The following PTCHD4 variants were observed in gnomAD, a reference collection of about 807,000 sequenced individuals.
PTCHD4 encodes patched domain-containing protein 4.
PTCHD4 carries 33 observed loss-of-function variants against 58.1 expected under a neutral mutation model. The observed-to-expected ratio is 0.57, with a 90% CI of 0.43 to 0.76. The LOEUF is 0.76. Among genes scored for constraint, PTCHD4 ranks in the 30% least tolerant of loss-of-function variants. The pLI is 0.00. For missense variants in PTCHD4, 1,058 were observed against 1,027.1 expected, an observed-to-expected ratio of 1.03 and a Z score of -0.41; for synonymous variants, 478 against 409.6, an observed-to-expected ratio of 1.17 and a Z score of -2.02.
At chr6:48,058,647 T>C (rs997468540) in intron 3 of PTCHD4, among the ~76,000 whole-genome samples, 1 of 152,112 alleles carries the variant, frequency 6.6e-6, no homozygotes, top group Non-Finnish European at 1.5e-5. Context: ...AGAAAAACCA[T>C]AATCTCACAA....
intron 4 of PTCHD4, among the ~76,000 whole-genome samples, chr6:47,988,024 G>C (rs113125891): frequency 6.6e-6 from 1 of 152,092 alleles, no homozygotes; most frequent in Non-Finnish European, 1.5e-5. Context: ...TGATCTGCCC[G>C]CCTTGGCCTC....
rs1270571282 is a variant in PTCHD4, at chr6:47,871,311, CTCTT to C, written c.*6988_*6991del. On this transcript the variant is annotated 3_prime_UTR_variant, in exon 5 of 5. Coordinates refer to ENST00000339488, the MANE Select transcript of PTCHD4 (RefSeq NM_001384253.1). ...AAATGCCAAATAATGGTAACTTTGTCTCTTTCTATTTGCCTAGAATAAACAAACA... is the reference window on the plus strand; with the variant it reads ...AAATGCCAAATAATGGTAACTTTGTCTCTATTTGCCTAGAATAAACAAACA... Among the ~76,000 whole-genome samples, 1 of 151,588 alleles carries C rather than the reference CTCTT, an allele frequency of 6.6e-6. No individual in the cohort carries two copies. Among genetic ancestry groups the C allele is most frequent in the African/African-American group, 2.4e-5 (1 of 41,356 alleles).
intron 4 of PTCHD4, among the ~76,000 whole-genome samples, chr6:47,945,711 A>G (rs1431200166): frequency 1.3e-5 from 2 of 151,876 alleles, no homozygotes; most frequent in Non-Finnish European, 2.9e-5. Flanking sequence ...CAATTTTGGA[A>G]AAGTGGACAT....
chr6:47,876,437 G>T lies in PTCHD4; in HGVS notation c.*1866C>A, dbSNP rs991141927. ...ATTACTTAAATGTTTTCATTTTAGG[G>T]TCTGTTCCCTTTCCCCTTTATATTC... On this transcript the variant is annotated 3_prime_UTR_variant, in exon 5 of 5. Transcript: ENST00000339488. 3.3e-5 allele frequency among the ~76,000 whole-genome samples: 5 copies of T among 151,824 alleles called. No individual in the cohort carries two copies. Among genetic ancestry groups the T allele is most frequent in the Admixed American group, 3.3e-4 (5 of 15,188 alleles).
At chr6:48,031,704 A>C (rs948642480) in intron 3 of PTCHD4, among the ~76,000 whole-genome samples, 2 of 152,212 alleles carry the variant, frequency 1.3e-5, no homozygotes, top group Admixed American at 1.3e-4. Context: ...TCCATTGATG[A>C]AGCATTTCCC....
At chr6:47,914,786 A>G (rs949245388) in intron 4 of PTCHD4, among the ~76,000 whole-genome samples, 1 of 149,022 alleles carries the variant, frequency 6.7e-6, no homozygotes, top group Non-Finnish European at 1.5e-5. Context: ...CTATCTATCT[A>G]TCTATATTTG....
chr6:47,988,269 A>T (rs1768150750), intron 4 of PTCHD4, among the ~76,000 whole-genome samples: 1 of 152,250 alleles, frequency 6.6e-6, no homozygotes, highest in African/African-American at 2.4e-5. Flanking sequence ...TTCTAGGCTG[A>T]TACAAACACA....
chr6:47,925,173 T>C (rs981577602), intron 4 of PTCHD4, among the ~76,000 whole-genome samples: 1 of 146,804 alleles, frequency 6.8e-6, no homozygotes, highest in Non-Finnish European at 1.5e-5. Flanking sequence ...TATGTGTATA[T>C]TATATATATG....
chr6:47,858,508 G>T lies in PTCHD4; in HGVS notation c.*19795C>A, dbSNP rs1370765217. On this transcript the variant is annotated 3_prime_UTR_variant, in exon 5 of 5. Transcript: ENST00000339488. ...ATTTATGATACTTTCAGAAGACTTT[G>T]CACATGCTGAAACCTATGTGGTATA... Among the ~76,000 whole-genome samples, 3 of 152,016 alleles carry T rather than the reference G, an allele frequency of 2.0e-5. No individual in the cohort carries two copies. The highest frequency in any genetic ancestry group is 4.4e-5 in the Non-Finnish European group (3 of 67,974).
chr6:47,901,796 A>G (rs1764714380), intron 4 of PTCHD4: 2 of 1,252,554 alleles, frequency 1.6e-6, no homozygotes, highest in Non-Finnish European at 2.1e-6. Context: ...TGATGATTTT[A>G]TTGTATCCTA....
At chr6:47,888,395 CAAAGA>C in intron 4 of PTCHD4, among the ~76,000 whole-genome samples, 1 of 152,062 alleles carries the variant, frequency 6.6e-6, no homozygotes, top group East Asian at 1.9e-4. Flanking sequence ...CAGAATATTG[CAAAGA>C]AAAGAGGAAA....
Position 47,871,560 on chromosome 6 carries a change from A to G in PTCHD4, c.*6743T>C, listed in dbSNP as rs1201002793. On this transcript the variant is annotated 3_prime_UTR_variant, in exon 5 of 5. Coordinates refer to ENST00000339488, the MANE Select transcript of PTCHD4 (RefSeq NM_001384253.1). ...GAAAGATTTCATATTAATGAATATT[A>G]TGTTAACCAGAATGTATAAGTGGGA... Among the ~76,000 whole-genome samples, 4 of 151,670 alleles carry G rather than the reference A, an allele frequency of 2.6e-5. No individual in the cohort carries two copies. The highest frequency in any genetic ancestry group is 5.9e-5 in the Non-Finnish European group (4 of 67,732).
chr6:48,093,776 T>G (rs1765410745), intron 1 of PTCHD4, among the ~76,000 whole-genome samples: 2 of 152,086 alleles, frequency 1.3e-5, no homozygotes, highest in African/African-American at 4.8e-5. Context: ...AAATTGACTA[T>G]AAAGAAACCT....
intron 3 of PTCHD4, among the ~76,000 whole-genome samples, chr6:48,040,243 T>C (rs1763795670): frequency 6.6e-6 from 1 of 152,110 alleles, no homozygotes; most frequent in African/African-American, 2.4e-5. Context: ...TTATTCTATA[T>C]TCTTGTTACA....
intron 4 of PTCHD4, among the ~76,000 whole-genome samples, chr6:47,981,714 A>T (rs1301298200): frequency 6.6e-6 from 1 of 152,184 alleles, no homozygotes; most frequent in Non-Finnish European, 1.5e-5. Flanking sequence ...CTTGCCCTCA[A>T]GCAGTCTTAA....
chr6:48,008,635 CA>C lies in PTCHD4; in HGVS notation c.896del (p.Met299ArgfsTer28). The C allele has an allele frequency of 6.2e-7, 1 of 1,612,322 alleles. No homozygotes were observed. Among genetic ancestry groups the C allele is most frequent in the Non-Finnish European group, 8.5e-7 (1 of 1,179,118 alleles). Reference sequence around the variant, plus strand: ...ATTACCACAAGGATGGATAGTTACCCATGGCGAAGAACGGGATTCCCAGCAG... The same window carrying C: ...ATTACCACAAGGATGGATAGTTACCCTGGCGAAGAACGGGATTCCCAGCAG... ...STLLGIPFFA[M>X]GHGTKGVFEL... On this transcript the variant is annotated frameshift_variant and splice_region_variant, in exon 4 of 5. Coordinates refer to ENST00000339488, the MANE Select transcript of PTCHD4 (RefSeq NM_001384253.1). LOFTEE classifies it high-confidence loss of function.
At chr6:47,914,508 A>G (rs1765170137) in intron 4 of PTCHD4, among the ~76,000 whole-genome samples, 2 of 151,998 alleles carry the variant, frequency 1.3e-5, no homozygotes, top group Non-Finnish European at 2.9e-5. Context: ...TTGGACTTGA[A>G]CTTACACCAT....
chr6:47,961,948 A>T (rs1767113253), intron 4 of PTCHD4, among the ~76,000 whole-genome samples: 1 of 152,126 alleles, frequency 6.6e-6, no homozygotes, highest in South Asian at 2.1e-4. Flanking sequence ...AACATTAGAA[A>T]AGAATGCAGA....
chr6:47,906,792 T>C (rs1764901634), intron 4 of PTCHD4, among the ~76,000 whole-genome samples: 1 of 152,142 alleles, frequency 6.6e-6, no homozygotes. Context: ...ATTGGCAGTT[T>C]CCCACAGAAG....
Sources: gnomAD v4.1 joint callset for allele counts (sites outside exome capture counted in the v4.1 genomes callset) on GRCh38, gnomAD v4.1.1 for gene constraint, MANE v1.5 for transcripts, NCBI Gene and HGNC (gene_info 2026-07-23, HGNC 2026-07-21) for gene names.